The following PTPN13 variants were observed in gnomAD, a reference collection of about 807,000 sequenced individuals.
PTPN13 encodes protein tyrosine phosphatase non-receptor type 13.
In PTPN13, 191 loss-of-function variants were observed where a neutral mutation model predicts 284.0. That is an observed-to-expected ratio of 0.67 (90% CI 0.60 to 0.76). The LOEUF (loss-of-function observed/expected upper bound fraction) is 0.76, where lower values mean the gene tolerates loss of function less well. PTPN13 is among the 30% of genes least tolerant of loss of function. The pLI is 0.00. For missense variants in PTPN13, 2,797 were observed against 2,939.9 expected (o/e 0.95, Z 1.12); for synonymous variants, 986 against 1,022.3 (o/e 0.96, Z 0.68).
chr4:86,642,288 A>G (rs572498107), intron 2 of PTPN13, among the ~76,000 whole-genome samples: 1 of 151,980 alleles, frequency 6.6e-6, no homozygotes, highest in East Asian at 1.9e-4. Flanking sequence ...CTAGATTTTT[A>G]TTTTAACCTA....
At chr4:86,691,428 T>G (rs1316687934) in intron 5 of PTPN13, among the ~76,000 whole-genome samples, 1 of 152,098 alleles carries the variant, frequency 6.6e-6, no homozygotes, top group East Asian at 1.9e-4. Flanking sequence ...GGAATCAGCA[T>G]GTAGAGAGCC....
intron 40 of PTPN13, among the ~76,000 whole-genome samples, chr4:86,786,528 A>G (rs1206083365): frequency 6.6e-6 from 1 of 152,198 alleles, no homozygotes; most frequent in Non-Finnish European, 1.5e-5. Context: ...CTTACGGCTG[A>G]TAAGTATGTA....
intron 35 of PTPN13, 143 bp downstream of exon 35, chr4:86,775,795 T>A (rs1275091482): frequency 1.5e-6 from 1 of 681,580 alleles, no homozygotes; most frequent in Non-Finnish European, 2.4e-6. Flanking sequence ...TAAAACAGAC[T>A]TCTTGATAGG....
In PTPN13 at chr4:86,796,914, A is replaced by T. The variant is rs564532822; in HGVS notation, c.6386A>T (p.Lys2129Ile). 1.4e-5 allele frequency: 21 copies of T among 1,486,222 alleles called. No individual in the cohort carries two copies. The East Asian group carries it at 4.9e-4, about 35-fold the overall frequency. 92.1% of individuals were successfully genotyped at this position (1,486,222 alleles called of 1,614,324 possible). Residue 2129 changes from lysine to isoleucine, a missense_variant, in exon 41 of 48, where the codon AAA becomes ATA. Coordinates refer to ENST00000411767, the MANE Select transcript of PTPN13 (RefSeq NM_080683.3). The part of the protein sequence containing the change: ...MNGCEEYCEE[K>I]VKSESLIQKP... ...GGCTGTGAAGAATATTGTGAAGAAA[A>T]AGTAAAAAGTGAAAGGTGAGAAAAT...
At chr4:86,639,962 A>G (rs1404692252) in intron 2 of PTPN13, among the ~76,000 whole-genome samples, 1 of 152,184 alleles carries the variant, frequency 6.6e-6, no homozygotes, top group Non-Finnish European at 1.5e-5. Context: ...AGAACCATTT[A>G]TAGGATAGAG....
chr4:86,617,357 G>A (rs1197409746), intron 1 of PTPN13, among the ~76,000 whole-genome samples: 2 of 152,090 alleles, frequency 1.3e-5, no homozygotes, highest in African/African-American at 2.4e-5. Context: ...TTTACTTTAC[G>A]ATGGTGCAAA....
At chr4:86,634,749 G>C (rs1722826262) in intron 1 of PTPN13, among the ~76,000 whole-genome samples, 1 of 152,118 alleles carries the variant, frequency 6.6e-6, no homozygotes, top group Non-Finnish European at 1.5e-5. Context: ...TACAGTTATA[G>C]TATATATATT....
At chr4:86,797,198 A>G (rs1044071031) in intron 41 of PTPN13, among the ~76,000 whole-genome samples, 4 of 152,078 alleles carry the variant, frequency 2.6e-5, no homozygotes, top group Non-Finnish European at 5.9e-5. Flanking sequence ...GTTTTCTACT[A>G]AAAATACAAG....
chr4:86,663,614 G>T (rs919709062), intron 2 of PTPN13, among the ~76,000 whole-genome samples: 1 of 152,162 alleles, frequency 6.6e-6, no homozygotes, highest in African/African-American at 2.4e-5. Flanking sequence ...TTATGGGGCA[G>T]CATGTTCTGA....
At chr4:86,639,556 T>G (rs1723502258) in intron 2 of PTPN13, among the ~76,000 whole-genome samples, 1 of 152,134 alleles carries the variant, frequency 6.6e-6, no homozygotes, top group Non-Finnish European at 1.5e-5. Flanking sequence ...GAAATCATCA[T>G]TCTCAGCAAA....
At chr4:86,608,668 G>C (rs1305142032) in intron 1 of PTPN13, among the ~76,000 whole-genome samples, 1 of 152,074 alleles carries the variant, frequency 6.6e-6, no homozygotes, top group African/African-American at 2.4e-5. Flanking sequence ...TGGTAAGTGG[G>C]AGAGCCAGCA....
chr4:86,612,771 A>T (rs1720055100), intron 1 of PTPN13, among the ~76,000 whole-genome samples: 1 of 152,244 alleles, frequency 6.6e-6, no homozygotes, highest in African/African-American at 2.4e-5. Context: ...TGACTATTAC[A>T]GTATATTACT....
chr4:86,621,359 G>A (rs1721220809), intron 1 of PTPN13, among the ~76,000 whole-genome samples: 1 of 152,108 alleles, frequency 6.6e-6, no homozygotes. Flanking sequence ...CAAGTCCCTA[G>A]AATTATGGCA....
intron 44 of PTPN13, among the ~76,000 whole-genome samples, chr4:86,806,002 C>T (rs994976403): frequency 6.6e-6 from 1 of 151,746 alleles, no homozygotes; most frequent in African/African-American, 2.4e-5. Flanking sequence ...CTGAAAAATA[C>T]AGAAATTAGC....
rs1181232154 is a variant in PTPN13 at position 86,746,797 on chromosome 4, A to G, written c.2650+1669A>G. 3.9e-5 allele frequency among the ~76,000 whole-genome samples: 6 copies of G among 152,056 alleles called. No individual in the cohort carries two copies. In the East Asian group the frequency reaches 1.2e-3, roughly 29 times the overall value. Reference sequence around the variant, plus strand: ...AGGCACCCGCCACCACGCCCAGCTAATTTTTGTATTTTTAGTAGAGACGGG... The same window carrying G: ...AGGCACCCGCCACCACGCCCAGCTAGTTTTTGTATTTTTAGTAGAGACGGG... On this transcript the variant is annotated intron_variant, in intron 17 of 47. Transcript: ENST00000411767.
chr4:86,803,613 C>T, intron 42 of PTPN13, 96 bp from the exon 43 acceptor site: 1 of 1,257,730 alleles, frequency 8.0e-7, no homozygotes, highest in South Asian at 1.4e-5. Flanking sequence ...AATAGACTTT[C>T]CCTTTTGTAA....
intron 3 of PTPN13, among the ~76,000 whole-genome samples, chr4:86,686,053 A>G (rs1331741413): frequency 9.8e-5 from 15 of 152,330 alleles, no homozygotes; most frequent in South Asian, 4.1e-4. Flanking sequence ...GGAAATACCT[A>G]TTGATAAGTT....
At chr4:86,728,439 G>A (rs1356434280) in intron 10 of PTPN13, among the ~76,000 whole-genome samples, 1 of 148,318 alleles carries the variant, frequency 6.7e-6, no homozygotes, top group Non-Finnish European at 1.5e-5. Flanking sequence ...TTATTATTGT[G>A]TGGGAGTCTA....
rs535758982 is a variant in PTPN13 at position 86,786,759 on chromosome 4, T to C, written c.6345+823T>C. Among the ~76,000 whole-genome samples, 3 of 152,272 alleles carry C rather than the reference T, an allele frequency of 2.0e-5. No homozygotes were observed. The South Asian group carries it at 6.2e-4, about 32-fold the overall frequency. On this transcript the variant is annotated intron_variant, in intron 40 of 47. Transcript: ENST00000411767. ...ATTAAAATGCCCCTTAAAATGTATG[T>C]TGTAATGTCTTTTAACTAAGAAAAT...
Sources: gnomAD v4.1 joint callset for allele counts (sites outside exome capture counted in the v4.1 genomes callset) on GRCh38, gnomAD v4.1.1 for gene constraint, MANE v1.5 for transcripts, NCBI Gene and HGNC (gene_info 2026-07-23, HGNC 2026-07-21) for gene names.